The following MMP26 variants were observed in gnomAD, a reference collection of about 807,000 sequenced individuals.
The protein encoded by MMP26 is matrix metalloproteinase-26.
MMP26 carries 33 observed loss-of-function variants against 31.0 expected under a neutral mutation model. The observed-to-expected ratio is 1.06, with a 90% confidence interval of 0.81 to 1.42. The LOEUF (loss-of-function observed/expected upper bound fraction) is 1.42. MMP26 is among the 40% of genes most tolerant of loss of function. MMP26 has a pLI of 0.00. For synonymous variants in MMP26, 122 were observed against 114.9 expected (o/e 1.06, Z -0.40); for missense variants, 347 against 316.1 (o/e 1.10, Z -0.74).
intron 2 of MMP26, among the ~76,000 whole-genome samples, chr11:4,889,146 T>C (rs1232397201): frequency 1.3e-5 from 2 of 152,128 alleles, no homozygotes; most frequent in Non-Finnish European, 2.9e-5. Context: ...CTTAAACAGC[T>C]TATATGCTGG....
intron 2 of MMP26, among the ~76,000 whole-genome samples, chr11:4,772,269 G>C (rs1406494502): frequency 6.6e-6 from 1 of 152,122 alleles, no homozygotes; most frequent in African/African-American, 2.4e-5. Context: ...CATATAAATA[G>C]AAAATTTACA....
At chr11:4,940,148 CTT>C in intron 2 of MMP26, among the ~76,000 whole-genome samples, 1 of 152,076 alleles carries the variant, frequency 6.6e-6, no homozygotes, top group East Asian at 1.9e-4. Context: ...GGTTTTCTCA[CTT>C]AGGTGATTAT....
chr11:4,781,632 C>A (rs1211033915), intron 2 of MMP26, among the ~76,000 whole-genome samples: 2 of 119,256 alleles, frequency 1.7e-5, no homozygotes, highest in Admixed American at 9.5e-5. Context: ...AAGTATTAAA[C>A]TATAATTTTA....
Position 4,737,583 on chromosome 11 carries a change from C to A in MMP26, c.-216-29687C>A, listed in dbSNP as rs531584397. 1.3e-3 allele frequency among the ~76,000 whole-genome samples: 205 copies of A among 152,278 alleles called. 1 individual carries two copies. The highest frequency in any genetic ancestry group is 6.2e-3 in the South Asian group (30 of 4,824). On this transcript the variant is annotated intron_variant, in intron 1 of 7. Coordinates refer to ENST00000380390, the MANE Select transcript of MMP26 (RefSeq NM_021801.5). Reference sequence around the variant, plus strand: ...GCTTGAACCCGGGAGGCGGAGGTTGCGGTGAGCCGAGATCACGCCTTTGCA... The same window carrying A: ...GCTTGAACCCGGGAGGCGGAGGTTGAGGTGAGCCGAGATCACGCCTTTGCA...
chr11:4,860,699 A>G, intron 2 of MMP26: 1 of 322,866 alleles, frequency 3.1e-6, no homozygotes, highest in South Asian at 2.6e-5. Flanking sequence ...AATAAAGTTA[A>G]AAAACATTTA....
chr11:4,899,719 G>T (rs1221787140), intron 2 of MMP26, among the ~76,000 whole-genome samples: 1 of 152,100 alleles, frequency 6.6e-6, no homozygotes, highest in African/African-American at 2.4e-5. Context: ...TCAGGCTAAT[G>T]ACCTCTTTCC....
At chr11:4,872,080 G>A (rs1427782903) in intron 2 of MMP26, among the ~76,000 whole-genome samples, 14 of 152,054 alleles carry the variant, frequency 9.2e-5, no homozygotes. Context: ...TGCAATAGCA[G>A]TAATAATAGT....
At chr11:4,901,395 T>C (rs1390269759) in intron 2 of MMP26, among the ~76,000 whole-genome samples, 1 of 151,856 alleles carries the variant, frequency 6.6e-6, no homozygotes, top group South Asian at 2.1e-4. Flanking sequence ...CTCCTGACCT[T>C]GTGATCCGCC....
intron 2 of MMP26, chr11:4,832,183 T>G (rs926397586): frequency 5.7e-6 from 1 of 174,332 alleles, no homozygotes; most frequent in African/African-American, 2.4e-5. Flanking sequence ...TCCTATTGAT[T>G]GGGATACCAG....
chr11:4,943,822 T>C, intron 2 of MMP26: 1 of 443,120 alleles, frequency 2.3e-6, no homozygotes, highest in Non-Finnish European at 4.5e-6. Flanking sequence ...GATTTATGTA[T>C]CTTTATTTTA....
At chr11:4,804,068 A>T (rs1849227288) in intron 2 of MMP26, 2 of 1,613,990 alleles carry the variant, frequency 1.2e-6, no homozygotes, top group Non-Finnish European at 1.7e-6. Context: ...TGGATGAAGA[A>T]CACCTGGATG....
intron 2 of MMP26, among the ~76,000 whole-genome samples, chr11:4,879,497 T>G (rs1394113716): frequency 6.6e-6 from 1 of 152,104 alleles, no homozygotes; most frequent in Non-Finnish European, 1.5e-5. Flanking sequence ...TAAGACTTAT[T>G]TCAAAATTTT....
At chr11:4,713,435 T>C (rs955491734) in intron 1 of MMP26, among the ~76,000 whole-genome samples, 1 of 152,094 alleles carries the variant, frequency 6.6e-6, no homozygotes, top group Non-Finnish European at 1.5e-5. Flanking sequence ...TGCTCCATTG[T>C]CTCCTGACAG....
chr11:4,855,369 AC>A (rs2133504251), intron 2 of MMP26, among the ~76,000 whole-genome samples: 2 of 152,314 alleles, frequency 1.3e-5, no homozygotes, highest in African/African-American at 4.8e-5. Context: ...CATAGAGAAG[AC>A]CTTAAATGAC....
chr11:4,723,210 C>G, intron 1 of MMP26: 5 of 1,449,040 alleles, frequency 3.5e-6, no homozygotes, highest in South Asian at 1.1e-5. Flanking sequence ...GCCCTCTGGC[C>G]TTTGAGGCCC....
intron 2 of MMP26, among the ~76,000 whole-genome samples, chr11:4,907,095 TAA>T (rs3065178): frequency 0.014 from 793 of 55,118 alleles, 43 homozygotes; most frequent in African/African-American, 0.046. Context: ...AAACTCCCTC[TAA>T]AAAAAAAAAA....
chr11:4,834,775 C>T (rs1287283777), intron 2 of MMP26, among the ~76,000 whole-genome samples: 1 of 152,070 alleles, frequency 6.6e-6, no homozygotes, highest in South Asian at 2.1e-4. Context: ...AAATTAAGAA[C>T]ATAATTATTT....
intron 2 of MMP26, among the ~76,000 whole-genome samples, chr11:4,818,358 T>C (rs1311075487): frequency 1.3e-5 from 2 of 151,476 alleles, no homozygotes; most frequent in Admixed American, 6.6e-5. Flanking sequence ...ATCTATTTTA[T>C]GTACGTCATC....
Position 4,973,683 on chromosome 11 carries a change from A to G in MMP26, c.-144-14385A>G, listed in dbSNP as rs78615879. 54 of 176,788 alleles carry G rather than the reference A, an allele frequency of 3.1e-4. No homozygotes were observed. The East Asian group carries it at 9.3e-3, about 30-fold the overall frequency. The allele number at this position is 176,788 out of a possible 1,614,324, so 11.0% of individuals were successfully genotyped here. On this transcript the variant is annotated intron_variant, in intron 2 of 7. Transcript: ENST00000380390. ...GATAGTCCCAGGTCAGAGAGAGCCA[A>G]CATGGAGAGAAAATAGTACATGGGC...
Sources: gnomAD v4.1 joint callset for allele counts (sites outside exome capture counted in the v4.1 genomes callset) on GRCh38, gnomAD v4.1.1 for gene constraint, MANE v1.5 for transcripts, NCBI Gene and HGNC (gene_info 2026-07-23, HGNC 2026-07-21) for gene names.